The following LRRC7 variants were observed in gnomAD, a reference collection of about 807,000 sequenced individuals.
The protein encoded by LRRC7 is leucine-rich repeat-containing protein 7.
A neutral mutation model predicts 175.7 loss-of-function variants in LRRC7; 23 were observed. The ratio of observed to expected loss-of-function variants is 0.13; its 90% CI spans 0.09 to 0.19. The LOEUF is 0.19. Among genes scored for constraint, LRRC7 ranks in the 10% least tolerant of loss-of-function variants. The pLI is 1.00. For missense variants in LRRC7, 1,354 were observed against 1,904.7 expected, an observed-to-expected ratio of 0.71 and a Z score of 5.38; for synonymous variants, 685 against 680.9, an observed-to-expected ratio of 1.01 and a Z score of -0.09.
chr1:69,834,828 G>C lies in LRRC7; in HGVS notation c.549G>C (p.Leu183=). 1 of 1,613,180 alleles carries C rather than the reference G, an allele frequency of 6.2e-7. No homozygotes were observed. The highest frequency in any genetic ancestry group is 8.5e-7 in the Non-Finnish European group (1 of 1,179,442). ...TCCTAAACCTGACCCAGCTCTACCT[G>C]AATGACGCCTTTCTTGAATTTCTTC... The part of the protein sequence containing the change: ...TQLLNLTQLY[L]NDAFLEFLPA... The change falls in exon 6 of 27, where the codon CTG becomes CTC. Residue 183 remains leucine (L), a synonymous_variant. Transcript: ENST00000651989.
chr1:69,661,824 A>T (rs1657517911), intron 1 of LRRC7, among the ~76,000 whole-genome samples: 1 of 152,032 alleles, frequency 6.6e-6, no homozygotes, highest in Admixed American at 6.6e-5. Flanking sequence ...AAAGAATGAC[A>T]TTTTTTTCAT....
chr1:69,709,808 A>G (rs1198509646), intron 2 of LRRC7, among the ~76,000 whole-genome samples: 1 of 152,208 alleles, frequency 6.6e-6, no homozygotes, highest in African/African-American at 2.4e-5. Context: ...TGTAATAATG[A>G]AAAATTATTG....
intron 8 of LRRC7, among the ~76,000 whole-genome samples, chr1:69,945,057 G>C (rs758497781): frequency 4.6e-5 from 7 of 151,886 alleles, no homozygotes; most frequent in Non-Finnish European, 1.0e-4. Context: ...CTGCTTTTGG[G>C]TTATATCCAA....
intron 7 of LRRC7, among the ~76,000 whole-genome samples, chr1:69,866,325 G>C (rs1387137052): frequency 6.6e-6 from 1 of 152,162 alleles, no homozygotes; most frequent in Non-Finnish European, 1.5e-5. Flanking sequence ...CAGAGTTGTT[G>C]TGTCAAAGGT....
At chr1:69,836,904 C>A (rs1196053593) in intron 6 of LRRC7, among the ~76,000 whole-genome samples, 4 of 151,264 alleles carry the variant, frequency 2.6e-5, no homozygotes, top group African/African-American at 9.7e-5. Flanking sequence ...GGAAAGAGAT[C>A]TACATGAAAA....
At position 69,872,072 on chromosome 1, in the gene LRRC7, C is replaced by T. The variant is rs542094888; in HGVS notation, c.647+33789C>T. On this transcript the variant is annotated intron_variant, in intron 7 of 26. Transcript: ENST00000651989. ...TTTTTAATGGAAAATATACAAGTCTCTTTAGATGGATCAAAAAGAAATTTC... is the reference window on the plus strand; with the variant it reads ...TTTTTAATGGAAAATATACAAGTCTTTTTAGATGGATCAAAAAGAAATTTC... Among the ~76,000 whole-genome samples, 3 of 152,048 alleles carry T rather than the reference C, an allele frequency of 2.0e-5. No homozygotes were observed. The South Asian group carries it at 6.2e-4, about 32-fold the overall frequency.
chr1:69,655,882 T>C (rs1030881384), intron 1 of LRRC7, among the ~76,000 whole-genome samples: 6 of 152,058 alleles, frequency 3.9e-5, no homozygotes, highest in African/African-American at 1.2e-4. Context: ...CCCAATGTTG[T>C]AAATAAGAAT....
chr1:69,924,779 G>A lies in LRRC7; in HGVS notation c.648-6728G>A, dbSNP rs922868223. On this transcript the variant is annotated intron_variant, in intron 7 of 26. Coordinates refer to ENST00000651989, the MANE Select transcript of LRRC7 (RefSeq NM_001370785.2). The stretch of plus-strand genomic sequence containing the variant: ...ATTTGACTTCCTCTTTTCCTAATTG[G>A]ATACCCTTTATTTCTTTCTCATGCC... Among the ~76,000 whole-genome samples the A allele has an allele frequency of 1.6e-4, 25 of 152,116 alleles. 1 individual carries two copies. In the East Asian group the frequency reaches 4.1e-3, roughly 25 times the overall value.
rs1198269499 is a variant in LRRC7, at chr1:70,089,769, A to G, written c.4495A>G (p.Ile1499Val). The G allele has an allele frequency of 3.7e-6, 6 of 1,610,478 alleles. No individual in the cohort carries two copies. The African/African-American group carries it at 8.0e-5, about 22-fold the overall frequency. The change falls in exon 25 of 27, where the codon ATC (isoleucine) becomes GTC (valine). Residue 1499 changes from isoleucine to valine, a missense_variant. By Grantham distance (29) the Ile-to-Val change is conservative (BLOSUM62 3). Coordinates refer to ENST00000651989, the MANE Select transcript of LRRC7 (RefSeq NM_001370785.2). ...AAAGAATCCTGGCCTTGGATTTAGT[A>G]TCAGTGGTGGAATTAGTGGACAAGG... is the stretch of plus-strand genomic sequence containing the variant. ...IEKNPGLGFS[I>V]SGGISGQGNP...
chr1:69,986,602 A>G (rs928142368), intron 10 of LRRC7, among the ~76,000 whole-genome samples: 5 of 152,202 alleles, frequency 3.3e-5, no homozygotes, highest in Admixed American at 2.6e-4. Context: ...TGTTAAAATG[A>G]TCCTACCAAA....
At chr1:69,587,786 C>G (rs1646461632) in intron 1 of LRRC7, among the ~76,000 whole-genome samples, 1 of 152,158 alleles carries the variant, frequency 6.6e-6, no homozygotes, top group South Asian at 2.1e-4. Context: ...ATCTCTCTCT[C>G]CTGCTGCCAT....
intron 2 of LRRC7, among the ~76,000 whole-genome samples, chr1:69,686,510 A>G (rs1661164212): frequency 6.6e-6 from 1 of 152,202 alleles, no homozygotes; most frequent in African/African-American, 2.4e-5. Context: ...ACTTCACTTG[A>G]AATGGTATAA....
At chr1:69,731,045 T>C (rs1159052710) in intron 2 of LRRC7, among the ~76,000 whole-genome samples, 1 of 152,032 alleles carries the variant, frequency 6.6e-6, no homozygotes, top group Non-Finnish European at 1.5e-5. Context: ...CTCACACCTG[T>C]AATCCCAGCA....
chr1:69,679,705 G>C (rs1314703329), intron 2 of LRRC7, among the ~76,000 whole-genome samples: 1 of 152,058 alleles, frequency 6.6e-6, no homozygotes, highest in Non-Finnish European at 1.5e-5. Flanking sequence ...GCTTCAAGGA[G>C]ACCATCAGTT....
chr1:70,053,019 G>A lies in LRRC7; in HGVS notation c.4111-7G>A. The A allele has an allele frequency of 6.3e-7, 1 of 1,584,352 alleles. No individual in the cohort carries two copies. Among genetic ancestry groups the A allele is most frequent in the African/African-American group, 1.4e-5 (1 of 73,598 alleles). ...CACTAAAGAATGCCATACCATTTTT[G>A]CAATAGACCCCGTCCCAGCAAAGCA... On this transcript the variant is annotated splice_region_variant and splice_polypyrimidine_tract_variant and intron_variant, in intron 22 of 26. Transcript: ENST00000651989.
chr1:69,694,951 A>T (rs1243880724), intron 2 of LRRC7, among the ~76,000 whole-genome samples: 1 of 152,216 alleles, frequency 6.6e-6, no homozygotes, highest in Non-Finnish European at 1.5e-5. Flanking sequence ...ACACAAATGG[A>T]CTAAAACAGA....
chr1:69,809,617 AAC>A (rs771118630), intron 4 of LRRC7, among the ~76,000 whole-genome samples: 73 of 152,214 alleles, frequency 4.8e-4, no homozygotes, highest in Non-Finnish European at 5.9e-4. Flanking sequence ...AGGCTGGTTC[AAC>A]ACACGCAAAT....
intron 4 of LRRC7, among the ~76,000 whole-genome samples, chr1:69,810,896 T>G (rs1395822633): frequency 1.3e-5 from 2 of 152,120 alleles, no homozygotes; most frequent in African/African-American, 4.8e-5. Flanking sequence ...CCAAAAGCAG[T>G]GGCAACAAAA....
intron 7 of LRRC7, among the ~76,000 whole-genome samples, chr1:69,881,773 G>C (rs1020677430): frequency 1.3e-5 from 2 of 151,486 alleles, no homozygotes; most frequent in African/African-American, 2.4e-5. Flanking sequence ...TCAGCTACTT[G>C]GGAGGCTGAG....
Sources: gnomAD v4.1 joint callset for allele counts (sites outside exome capture counted in the v4.1 genomes callset) on GRCh38, gnomAD v4.1.1 for gene constraint, MANE v1.5 for transcripts, NCBI Gene and HGNC (gene_info 2026-07-23, HGNC 2026-07-21) for gene names.